PCDH7: variants seen among roughly 807,000 people sequenced by gnomAD.
PCDH7 encodes protocadherin 7.
In PCDH7, 17 loss-of-function variants were observed where a neutral mutation model predicts 58.9. That is an observed-to-expected ratio of 0.29 (90% CI 0.20 to 0.43). The LOEUF (loss-of-function observed/expected upper bound fraction) is 0.43. Among genes scored for constraint, PCDH7 ranks in the 20% least tolerant of loss-of-function variants. The pLI is 1.00. For missense variants in PCDH7, 1,274 were observed against 1,441.0 expected, an observed-to-expected ratio of 0.88 and a Z score of 1.88; for synonymous variants, 664 against 616.4, an observed-to-expected ratio of 1.08 and a Z score of -1.14.
In PCDH7 at chr4:30,834,115, C is replaced by T. The variant is rs751856834; in HGVS notation, c.71-86038C>T. 2.0e-4 allele frequency among the ~76,000 whole-genome samples: 31 copies of T among 152,202 alleles called. No individual in the cohort carries two copies. The South Asian group carries it at 2.7e-3, about 13-fold the overall frequency. ...TAACAAAAGCTAAAACATATAACACCATGTGCCAGGCACTTTTCCAACTGC... is the reference window on the plus strand; with the variant it reads ...TAACAAAAGCTAAAACATATAACACTATGTGCCAGGCACTTTTCCAACTGC... On this transcript the variant is annotated intron_variant, in intron 1 of 3. Coordinates refer to the PCDH7 transcript ENST00000509759.
intron 1 of PCDH7, among the ~76,000 whole-genome samples, chr4:30,850,299 T>G (rs1439428673): frequency 6.6e-6 from 1 of 152,136 alleles, no homozygotes; most frequent in Non-Finnish European, 1.5e-5. Context: ...AGCTGCAACT[T>G]GATGGCTAAG....
At chr4:30,816,982 C>T (rs374973601) in intron 1 of PCDH7, among the ~76,000 whole-genome samples, 29 of 152,200 alleles carry the variant, frequency 1.9e-4, no homozygotes, top group East Asian at 5.8e-4. Context: ...AGAAATTCAG[C>T]GAGCACATAG....
At chr4:30,735,114 CTT>C (rs1560313382), downstream of PCDH7, among the ~76,000 whole-genome samples, 1 of 152,094 alleles carries the variant, frequency 6.6e-6, no homozygotes, top group African/African-American at 2.4e-5. Flanking sequence ...GTACAGTACA[CTT>C]TGACATTTTG....
chr4:30,943,139 C>A (rs1746256736), intron 2 of PCDH7, among the ~76,000 whole-genome samples: 7 of 151,916 alleles, frequency 4.6e-5, no homozygotes. Flanking sequence ...AAATCACTTT[C>A]ATTCATCTTG....
intron 3 of PCDH7, among the ~76,000 whole-genome samples, chr4:30,956,529 C>T (rs1747881208): frequency 6.6e-6 from 1 of 152,104 alleles, no homozygotes; most frequent in South Asian, 2.1e-4. Flanking sequence ...ATTTTGAATG[C>T]TACTTCTTTA....
At chr4:31,130,316 G>A (rs530243563) in intron 3 of PCDH7, among the ~76,000 whole-genome samples, 26 of 152,116 alleles carry the variant, frequency 1.7e-4, no homozygotes, top group African/African-American at 5.3e-4. Context: ...CAAATAATAC[G>A]GACAGTTGGA....
At chr4:30,794,638 T>G (rs1434436728) in intron 1 of PCDH7, among the ~76,000 whole-genome samples, 3 of 151,986 alleles carry the variant, frequency 2.0e-5, no homozygotes, top group Non-Finnish European at 4.4e-5. Flanking sequence ...TCCTTGTCTC[T>G]TTTCTTTGTT....
At chr4:30,977,437 C>T (rs1419051088) in intron 3 of PCDH7, among the ~76,000 whole-genome samples, 5 of 152,128 alleles carry the variant, frequency 3.3e-5, no homozygotes, top group Admixed American at 2.0e-4. Context: ...GATGTCAGAA[C>T]GAGACCAACC....
rs576210195 is a variant in PCDH7, at chr4:30,897,216, G to GT, written c.71-22934dup. 1.1e-3 allele frequency among the ~76,000 whole-genome samples: 166 copies of GT among 151,970 alleles called. 3 individuals are homozygous for GT. In the East Asian group the frequency reaches 0.023, roughly 21 times the overall value. On this transcript the variant is annotated intron_variant, in intron 1 of 3. Coordinates refer to the PCDH7 transcript ENST00000509759. Reference sequence around the variant, plus strand: ...ACCGCGCCCGGCCTCCCAGTTCTTTGTTTACAACACTAAATTGCTTCACAA... The same window carrying GT: ...ACCGCGCCCGGCCTCCCAGTTCTTTGTTTTACAACACTAAATTGCTTCACAA...
intron 1 of PCDH7, among the ~76,000 whole-genome samples, chr4:30,781,572 T>C (rs1341755616): frequency 5.3e-5 from 8 of 151,850 alleles, no homozygotes; most frequent in Non-Finnish European, 1.2e-4. Flanking sequence ...GTTTCCCTCT[T>C]GTTGCCCAGG....
At chr4:30,872,683 CCT>C (rs1406641954) in intron 1 of PCDH7, among the ~76,000 whole-genome samples, 2 of 152,030 alleles carry the variant, frequency 1.3e-5, no homozygotes, top group East Asian at 3.9e-4. Flanking sequence ...CCACACAACG[CCT>C]AGCTCATTGT....
chr4:30,841,079 T>A (rs1487420472), intron 1 of PCDH7, among the ~76,000 whole-genome samples: 1 of 152,122 alleles, frequency 6.6e-6, no homozygotes, highest in Non-Finnish European at 1.5e-5. Context: ...TATATATATC[T>A]CGAAGCACTG....
At chr4:30,763,896 CTG>C (rs957369208) in intron 1 of PCDH7, among the ~76,000 whole-genome samples, 1 of 152,042 alleles carries the variant, frequency 6.6e-6, no homozygotes, top group African/African-American at 2.4e-5. Context: ...GAAAATGAAA[CTG>C]AGAAACAAGC....
chr4:30,942,942 TC>T (rs1333266883), intron 2 of PCDH7, among the ~76,000 whole-genome samples: 18 of 151,892 alleles, frequency 1.2e-4, no homozygotes, highest in Admixed American at 3.3e-4. Flanking sequence ...CACATTTCAT[TC>T]TATTTTTATG....
rs913167284 is a variant in PCDH7 at position 30,934,388 on chromosome 4, C to T, written c.287+14019C>T. Among the ~76,000 whole-genome samples, 3 of 151,734 alleles carry T rather than the reference C, an allele frequency of 2.0e-5. No individual in the cohort carries two copies. In the East Asian group the frequency reaches 5.8e-4, roughly 29 times the overall value. ...CAGGACTTCTGACTTGATTATTTAG[C>T]TTCTTAAACTTTTTCTGAAGTTTTT... is the stretch of plus-strand genomic sequence containing the variant. On this transcript the variant is annotated intron_variant, in intron 2 of 3. Transcript: ENST00000509759.
At chr4:31,129,543 T>C (rs1024234527) in intron 3 of PCDH7, among the ~76,000 whole-genome samples, 2 of 152,176 alleles carry the variant, frequency 1.3e-5, no homozygotes, top group Non-Finnish European at 2.9e-5. Context: ...CTGAAGTTTA[T>C]GGAGGAGAGT....
At chr4:31,053,118 A>G (rs1756890294) in intron 3 of PCDH7, among the ~76,000 whole-genome samples, 1 of 151,974 alleles carries the variant, frequency 6.6e-6, no homozygotes, top group Non-Finnish European at 1.5e-5. Flanking sequence ...TCCTTTGCAA[A>G]TGCTAAAAAT....
intron 1 of PCDH7, among the ~76,000 whole-genome samples, chr4:30,727,415 C>T (rs1260712612): frequency 5.9e-5 from 9 of 151,904 alleles, no homozygotes. Flanking sequence ...GAGAGCCATT[C>T]AAATCAAGCT....
chr4:30,760,582 A>T (rs143355625), intron 1 of PCDH7, among the ~76,000 whole-genome samples: 10 of 152,196 alleles, frequency 6.6e-5, no homozygotes, highest in African/African-American at 2.4e-4. Flanking sequence ...TCATGAGTGA[A>T]CTCCCATTCA....
Sources: allele counts gnomAD v4.1 joint callset (sites outside exome capture counted in the v4.1 genomes callset), GRCh38; gene constraint gnomAD v4.1.1; transcripts MANE v1.5; gene names NCBI Gene and HGNC (gene_info 2026-07-23, HGNC 2026-07-21).